The following FSIP2 variants were observed in gnomAD, a reference collection of about 807,000 sequenced individuals.
FSIP2 encodes the protein fibrous sheath interacting protein 2, also known as fibrous sheath-interacting protein 2.
A neutral mutation model predicts 510.5 loss-of-function variants in FSIP2; 367 were observed. The ratio of observed to expected loss-of-function variants is 0.72; its 90% confidence interval spans 0.66 to 0.78. FSIP2 has a LOEUF of 0.78. FSIP2 is among the 30% of genes least tolerant of loss of function. The probability of loss-of-function intolerance (pLI) is 0.00; values close to 1 mark genes in which losing one functional copy is unlikely to be tolerated. For missense variants in FSIP2, 7,594 were observed against 7,901.7 expected, an observed-to-expected ratio of 0.96 and a Z score of 1.48; for synonymous variants, 2,601 against 2,732.2, an observed-to-expected ratio of 0.95 and a Z score of 1.50.
intron 13 of FSIP2, among the ~76,000 whole-genome samples, chr2:185,776,490 A>G (rs1379989726): frequency 6.6e-6 from 1 of 152,004 alleles, no homozygotes; most frequent in Non-Finnish European, 1.5e-5. Context: ...TGATAACATT[A>G]TTTATTTTTA....
intron 7 of FSIP2, among the ~76,000 whole-genome samples, chr2:185,748,035 T>G (rs1692068786): frequency 6.6e-6 from 1 of 152,076 alleles, no homozygotes; most frequent in African/African-American, 2.4e-5. Context: ...AAATTCTAAA[T>G]GGCAATTTTA....
rs1559009054 is a variant in FSIP2, at chr2:185,745,545, C to G, written c.594C>G (p.Asp198Glu). 3 of 1,534,494 alleles carry G rather than the reference C, an allele frequency of 2.0e-6. No homozygotes were observed. Among genetic ancestry groups the G allele is most frequent in the Non-Finnish European group, 2.6e-6 (3 of 1,146,046 alleles). The change falls in exon 5 of 23, where the codon GAC becomes GAG. Residue 198 changes from aspartate to glutamate, a missense_variant. Coordinates refer to ENST00000424728, the MANE Select transcript of FSIP2 (RefSeq NM_173651.4). ...AGGAGGGCACTGAATCTATTAAGGA[C>G]CAGGAGCGGCTGATGAGGCATAGGT... is the stretch of plus-strand genomic sequence containing the variant. Reference protein sequence around the residue: ...LLKEGTESIKDQERLMRHRYL... With the variant: ...LLKEGTESIKEQERLMRHRYL...
In FSIP2 at chr2:185,793,938, A is replaced by G. The variant is rs1408692671; in HGVS notation, c.6802A>G (p.Arg2268Gly). The change falls in exon 16 of 23, where the codon AGA becomes GGA. Residue 2268 changes from arginine to glycine, a missense_variant. Physicochemically the swap from Arg to Gly is moderately radical, Grantham distance 125. Transcript: ENST00000424728. ...ACGTTTGGAATCTTTTGCCACAGAAAGAATAGATTCATTAATTACCCTTGC... is the reference window on the plus strand; with the variant it reads ...ACGTTTGGAATCTTTTGCCACAGAAGGAATAGATTCATTAATTACCCTTGC... ...FKRLESFATERIDSLITLAFQ... is the reference protein window; with the variant it reads ...FKRLESFATEGIDSLITLAFQ... The G allele has an allele frequency of 1.3e-6, 2 of 1,523,838 alleles. No homozygotes were observed. The highest frequency in any genetic ancestry group is 1.8e-6 in the Non-Finnish European group (2 of 1,141,898). The allele number at this position is 1,523,838 out of a possible 1,614,324, so 94.4% of individuals were successfully genotyped here.
At chr2:185,777,667 T>G (rs1692756676) in intron 13 of FSIP2, among the ~76,000 whole-genome samples, 1 of 152,158 alleles carries the variant, frequency 6.6e-6, no homozygotes, top group Admixed American at 6.5e-5. Context: ...CTATCATATT[T>G]TTTTGTTAAA....
At chr2:185,785,644 A>AGT (rs1280866778) in intron 14 of FSIP2, among the ~76,000 whole-genome samples, 1 of 151,986 alleles carries the variant, frequency 6.6e-6, no homozygotes, top group Non-Finnish European at 1.5e-5. Context: ...TTATTTCATT[A>AGT]GTGTGTGACG....
chr2:185,800,366 TA>T lies in FSIP2; in HGVS notation c.11065del (p.Thr3689GlnfsTer7). ...AAGTTAAACAGCCTGGTTGGTAACC[TA>T]AAAACAAGTGAATCCAAAGAAGTAG... is the stretch of plus-strand genomic sequence containing the variant. ...ACKLNSLVGN[L>X]KTSESKEVVN... On this transcript the variant is annotated frameshift_variant, in exon 17 of 23. Transcript: ENST00000424728. LOFTEE classifies it high-confidence loss of function. 6.5e-7 allele frequency: 1 copy of T among 1,527,564 alleles called. No homozygotes were observed. Among genetic ancestry groups the T allele is most frequent in the Non-Finnish European group, 8.7e-7 (1 of 1,143,828 alleles). The allele number at this position is 1,527,564 out of a possible 1,614,324, so 94.6% of individuals were successfully genotyped here.
chr2:185,795,015 C>T lies in FSIP2; in HGVS notation c.7879C>T (p.Gln2627Ter). 6.5e-7 allele frequency: 1 copy of T among 1,533,672 alleles called. No homozygotes were observed. Among genetic ancestry groups the T allele is most frequent in the Non-Finnish European group, 8.7e-7 (1 of 1,145,756 alleles). The change falls in exon 16 of 23, where the codon CAA becomes TAA. Residue 2627 changes from glutamine to a stop codon, truncating the protein, a stop_gained. Coordinates refer to ENST00000424728, the MANE Select transcript of FSIP2 (RefSeq NM_173651.4). LOFTEE classifies it high-confidence loss of function. ...CACTCTTTTGCCATATTTACCATTG[C>T]AAGTGAAGAAAGACTTAATTCAAAT... ...ENTLLPYLPL[Q>*]VKKDLIQMVL... is the part of the protein sequence containing the mutation.
rs916638223 is a variant in FSIP2 at position 185,802,869 on chromosome 2, A to G, written c.13563A>G (p.Glu4521=). ...TTAGGATGAAAGTTTCCCAACATGA[A>G]ATTCGATTTTCAAAAGAGGAAGAAG... ...SDIRMKVSQH[E]IRFSKEEEET... is the part of the protein sequence containing the mutation. Residue 4521 remains glutamate (E), a synonymous_variant, in exon 17 of 23, where the codon GAA becomes GAG. Transcript: ENST00000424728. The G allele has an allele frequency of 1.3e-6, 2 of 1,500,418 alleles. No homozygotes were observed. Among genetic ancestry groups the G allele is most frequent in the African/African-American group, 2.8e-5 (2 of 70,964 alleles). 92.9% of individuals were successfully genotyped at this position (1,500,418 alleles called of 1,614,324 possible).
At position 185,804,545 on chromosome 2, in the gene FSIP2, C is replaced by A. The variant is rs550105281; in HGVS notation, c.15239C>A (p.Ser5080Tyr). 2.0e-6 allele frequency: 3 copies of A among 1,523,856 alleles called. No homozygotes were observed. The highest frequency in any genetic ancestry group is 2.4e-5 in the South Asian group (2 of 81,860). The allele number at this position is 1,523,856 out of a possible 1,614,324, so 94.4% of individuals were successfully genotyped here. A position where few individuals can be genotyped will look rare whatever the true frequency, so the allele number is the denominator to read the frequency against. Residue 5080 changes from serine (S) to tyrosine (Y), a missense_variant, in exon 17 of 23, where the codon TCT (serine) becomes TAT (tyrosine). By Grantham distance (144) the Ser-to-Tyr change is moderately radical. Coordinates refer to ENST00000424728, the MANE Select transcript of FSIP2 (RefSeq NM_173651.4). ...TCATTAGTTTCAGGAGAATTAGAGT[C>A]TTCTTCTTATTCGTATCCCCAAGCT... ...VQSLVSGELESSSYSYPQADN... is the reference protein window; with the variant it reads ...VQSLVSGELEYSSYSYPQADN...
At position 185,791,433 on chromosome 2, in the gene FSIP2, T is replaced by C. The variant is rs1350670972; in HGVS notation, c.4297T>C (p.Leu1433=). The change falls in exon 16 of 23, where the codon TTA becomes CTA. Residue 1433 remains leucine, a synonymous_variant. Transcript: ENST00000424728. ...TAAAGAGAATGCAAAATTGCAAGTGTTAGAAAGAATTGGGGAAACACTACA... is the reference window on the plus strand; with the variant it reads ...TAAAGAGAATGCAAAATTGCAAGTGCTAGAAAGAATTGGGGAAACACTACA... The part of the protein sequence containing the change: ...HIKENAKLQV[L]ERIGETLHEM... 3 of 1,534,072 alleles carry C rather than the reference T, an allele frequency of 2.0e-6. No homozygotes were observed. The highest frequency in any genetic ancestry group is 2.6e-6 in the Non-Finnish European group (3 of 1,145,588).
chr2:185,796,717 A>G lies in FSIP2; in HGVS notation c.9581A>G (p.Glu3194Gly), dbSNP rs1481959434. The G allele has an allele frequency of 2.6e-6, 4 of 1,534,976 alleles. No individual in the cohort carries two copies. The highest frequency in any genetic ancestry group is 1.4e-5 in the African/African-American group (1 of 72,946). ...ACTGGGTTTGTGTTTTGTTCAGATG[A>G]AGATATGAAAGAAAAGTACAGGGTT... Reference protein sequence around the residue: ...SKTGFVFCSDEDMKEKYRVSS... With the variant: ...SKTGFVFCSDGDMKEKYRVSS... Residue 3194 changes from glutamate (E) to glycine (G), a missense_variant, in exon 16 of 23, where the codon GAA (glutamate) becomes GGA (glycine). Transcript: ENST00000424728.
Position 185,805,664 on chromosome 2 carries a change from C to A in FSIP2, c.16358C>A (p.Pro5453Gln), listed in dbSNP as rs1693549786. 1 of 1,610,372 alleles carries A rather than the reference C, an allele frequency of 6.2e-7. No homozygotes were observed. The highest frequency in any genetic ancestry group is 8.5e-7 in the Non-Finnish European group (1 of 1,178,424). Residue 5453 changes from proline (P) to glutamine (Q), a missense_variant, in exon 17 of 23, where the codon CCA (proline) becomes CAA (glutamine). Pro to Gln is a moderately conservative substitution (Grantham distance 76). Coordinates refer to ENST00000424728, the MANE Select transcript of FSIP2 (RefSeq NM_173651.4). ...DQSYKDTSST[P>Q]DCKNMMSTLE... ...TCATATAAAGATACTTCTTCCACCCCAGATTGCAAAAACATGATGAGCACT... is the reference window on the plus strand; with the variant it reads ...TCATATAAAGATACTTCTTCCACCCAAGATTGCAAAAACATGATGAGCACT...
rs184054013 is a variant in FSIP2, at chr2:185,805,281, A to G, written c.15975A>G (p.Lys5325=). Residue 5325 remains lysine, a synonymous_variant, in exon 17 of 23, where the codon AAA becomes AAG. Transcript: ENST00000424728. The part of the protein sequence containing the change: ...LANSLIREFK[K]SDIKVLPNAE... Reference sequence around the variant, plus strand: ...ATTCTCTGATAAGGGAATTTAAGAAAAGTGATATTAAAGTTTTACCAAATG... The same window carrying G: ...ATTCTCTGATAAGGGAATTTAAGAAGAGTGATATTAAAGTTTTACCAAATG... The G allele has an allele frequency of 3.6e-5, 57 of 1,593,688 alleles. No homozygotes were observed. The East Asian group carries it at 1.2e-3, about 34-fold the overall frequency.
At chr2:185,768,042 C>G (rs996322722) in intron 13 of FSIP2, among the ~76,000 whole-genome samples, 3 of 151,974 alleles carry the variant, frequency 2.0e-5, no homozygotes, top group African/African-American at 4.8e-5. Context: ...TTGTCTTTTA[C>G]TTTTTTGATA....
At chr2:185,813,365 T>A (rs1442448679) in intron 17 of FSIP2, among the ~76,000 whole-genome samples, 180 bp from the exon 18 acceptor site, 1 of 151,702 alleles carries the variant, frequency 6.6e-6, no homozygotes, top group Non-Finnish European at 1.5e-5. Context: ...TGCCAACAAA[T>A]TTTTTTTGTT....
intron 13 of FSIP2, among the ~76,000 whole-genome samples, chr2:185,777,022 C>T (rs1489631112): frequency 1.3e-5 from 2 of 152,112 alleles, no homozygotes; most frequent in Admixed American, 6.6e-5. Flanking sequence ...CCGTGCCTGG[C>T]CAGGATGCAA....
intron 13 of FSIP2, among the ~76,000 whole-genome samples, chr2:185,773,353 G>A (rs1692649938): frequency 6.6e-6 from 1 of 152,134 alleles, no homozygotes; most frequent in African/African-American, 2.4e-5. Flanking sequence ...GGTTTCTGCT[G>A]AGAAATCTGC....
At chr2:185,763,975 G>C (rs1692406418) in intron 12 of FSIP2, among the ~76,000 whole-genome samples, 1 of 151,438 alleles carries the variant, frequency 6.6e-6, no homozygotes, top group Non-Finnish European at 1.5e-5. Context: ...TTAGTTCACT[G>C]TTCTACCATA....
chr2:185,766,254 T>C (rs1039270618), intron 13 of FSIP2: 2 of 151,754 alleles, frequency 1.3e-5, no homozygotes, highest in African/African-American at 4.8e-5. Flanking sequence ...GACATAGGCA[T>C]GGGCAAGGAC....
Sources: allele counts gnomAD v4.1 joint callset (sites outside exome capture counted in the v4.1 genomes callset), GRCh38; gene constraint gnomAD v4.1.1; transcripts MANE v1.5; gene names NCBI Gene and HGNC (gene_info 2026-07-23, HGNC 2026-07-21).